Variants in CNTLN observed in about 807,000 individuals in gnomAD.
CNTLN encodes the protein centlein, centrosomal protein.
A neutral mutation model predicts 180.0 loss-of-function variants in CNTLN; 212 were observed. That is an observed-to-expected ratio of 1.18 (90% CI 1.05 to 1.32). The LOEUF is 1.32. Among genes scored for constraint, CNTLN ranks in the 40% most tolerant of loss-of-function variants. CNTLN has a pLI of 0.00. For synonymous variants in CNTLN, 722 were observed against 563.1 expected (o/e 1.28, Z -3.99); for missense variants, 2,095 against 1,610.9 (o/e 1.30, Z -5.14).
At chr9:17,312,494 C>T (rs1171091146) in intron 8 of CNTLN, among the ~76,000 whole-genome samples, 1 of 150,140 alleles carries the variant, frequency 6.7e-6, no homozygotes, top group Non-Finnish European at 1.5e-5. Flanking sequence ...TCACGCCATT[C>T]TCCTGCCTCA....
chr9:17,369,837 A>G, intron 13 of CNTLN, among the ~76,000 whole-genome samples: 1 of 151,884 alleles, frequency 6.6e-6, no homozygotes, highest in Non-Finnish European at 1.5e-5. Flanking sequence ...AAATACAAAC[A>G]TTAGCCAGGC....
At chr9:17,154,295 ATCTT>A (rs1339565161) in intron 2 of CNTLN, among the ~76,000 whole-genome samples, 1 of 152,102 alleles carries the variant, frequency 6.6e-6, no homozygotes, top group African/African-American at 2.4e-5. Context: ...TTGTGGATTT[ATCTT>A]TCTTTGATCT....
Position 17,169,171 on chromosome 9 carries a change from T to A in CNTLN, c.449+25795T>A, listed in dbSNP as rs182354108. Among the ~76,000 whole-genome samples, 249 of 152,188 alleles carry A rather than the reference T, an allele frequency of 1.6e-3. 1 individual carries two copies. Among genetic ancestry groups the A allele is most frequent in the African/African-American group, 5.7e-3 (237 of 41,534 alleles). The stretch of plus-strand genomic sequence containing the variant: ...CACCCAACATGTTTGTCTAATTTTT[T>A]AAAAATTTTGTACACATGGGGTCTT... On this transcript the variant is annotated intron_variant, in intron 2 of 25. Coordinates refer to ENST00000380647, the MANE Select transcript of CNTLN (RefSeq NM_017738.4).
chr9:17,446,992 C>T (rs537512694), intron 18 of CNTLN, among the ~76,000 whole-genome samples: 1 of 152,298 alleles, frequency 6.6e-6, no homozygotes, highest in African/African-American at 2.4e-5. Flanking sequence ...GTTATGGCCT[C>T]TTTTCATGTG....
chr9:17,177,137 C>T (rs774623896), intron 2 of CNTLN, among the ~76,000 whole-genome samples: 4 of 152,044 alleles, frequency 2.6e-5, no homozygotes, highest in Admixed American at 6.6e-5. Flanking sequence ...TGGCTGGGCG[C>T]GGTGGCTCAC....
chr9:17,325,812 A>G (rs1449590138), intron 8 of CNTLN, among the ~76,000 whole-genome samples: 1 of 152,034 alleles, frequency 6.6e-6, no homozygotes, highest in Non-Finnish European at 1.5e-5. Flanking sequence ...AATTATTATC[A>G]TCATTGCAAT....
At chr9:17,348,532 CT>C (rs35021719) in intron 12 of CNTLN, among the ~76,000 whole-genome samples, 6,350 of 140,764 alleles carry the variant, frequency 0.045, 307 homozygotes, top group East Asian at 0.22. Flanking sequence ...TTCTTTCTTT[CT>C]TTTTTTTTTT....
chr9:17,468,866 A>G (rs1469557508), intron 23 of CNTLN, among the ~76,000 whole-genome samples: 3 of 151,766 alleles, frequency 2.0e-5, no homozygotes, highest in Non-Finnish European at 4.4e-5. Flanking sequence ...TTAGTCCTTC[A>G]TATTGTTCAG....
At chr9:17,438,191 T>A (rs1299859361) in intron 18 of CNTLN, among the ~76,000 whole-genome samples, 1 of 152,088 alleles carries the variant, frequency 6.6e-6, no homozygotes, top group Non-Finnish European at 1.5e-5. Flanking sequence ...TTTTTAAAGC[T>A]CTCAGGTGAT....
intron 13 of CNTLN, among the ~76,000 whole-genome samples, chr9:17,374,976 T>G (rs1416011679): frequency 6.6e-6 from 1 of 152,180 alleles, no homozygotes; most frequent in Non-Finnish European, 1.5e-5. Context: ...TTCCCATGTT[T>G]ATTGCAGCAT....
At chr9:17,258,394 T>G (rs894678993) in intron 5 of CNTLN, among the ~76,000 whole-genome samples, 2 of 151,056 alleles carry the variant, frequency 1.3e-5, no homozygotes, top group African/African-American at 4.9e-5. Context: ...TGTAGTATAG[T>G]TTGAAGTCAG....
At chr9:17,253,583 A>G (rs1227360182) in intron 5 of CNTLN, among the ~76,000 whole-genome samples, 2 of 151,356 alleles carry the variant, frequency 1.3e-5, no homozygotes, top group Non-Finnish European at 3.0e-5. Context: ...TTACTAATGT[A>G]TGGAAATGCT....
At chr9:17,244,340 TA>T (rs1336879787) in intron 5 of CNTLN, among the ~76,000 whole-genome samples, 1 of 151,990 alleles carries the variant, frequency 6.6e-6, no homozygotes, top group East Asian at 1.9e-4. Flanking sequence ...GCCTCTTGAG[TA>T]GCTGAGGCTA....
intron 8 of CNTLN, among the ~76,000 whole-genome samples, chr9:17,330,221 T>C (rs1820552003): frequency 6.6e-6 from 1 of 152,062 alleles, no homozygotes; most frequent in Non-Finnish European, 1.5e-5. Context: ...ATGCTGTTGT[T>C]TTCCTTTTCC....
chr9:17,364,679 T>C lies in CNTLN; in HGVS notation c.1887-1938T>C, dbSNP rs1488795016. ...GGCTTTGAACTTATTTATATACTTA[T>C]TGTCTCCATGCTTGACTCGAGAATT... is the stretch of plus-strand genomic sequence containing the variant. On this transcript the variant is annotated intron_variant, in intron 12 of 25. Coordinates refer to ENST00000380647, the MANE Select transcript of CNTLN (RefSeq NM_017738.4). Among the ~76,000 whole-genome samples, 3 of 152,210 alleles carry C rather than the reference T, an allele frequency of 2.0e-5. No individual in the cohort carries two copies. The East Asian group carries it at 5.8e-4, about 29-fold the overall frequency.
chr9:17,415,738 G>C lies in CNTLN; in HGVS notation c.2797-50G>C, dbSNP rs576791298. On this transcript the variant is annotated intron_variant, in intron 16 of 25. Transcript: ENST00000380647. ...AGATGTTATTTATATCAGTTCACTT[G>C]ATGTTGTTATTGAAGAATAATACCA... 28 of 1,086,954 alleles carry C rather than the reference G, an allele frequency of 2.6e-5. No individual in the cohort carries two copies. The South Asian group carries it at 3.5e-4, about 14-fold the overall frequency. 67.3% of individuals were successfully genotyped at this position (1,086,954 alleles called of 1,614,324 possible). A position where few individuals can be genotyped will look rare whatever the true frequency, so the allele number is the denominator to read the frequency against.
At chr9:17,329,081 C>T (rs1016301567) in intron 8 of CNTLN, among the ~76,000 whole-genome samples, 10 of 151,976 alleles carry the variant, frequency 6.6e-5, no homozygotes, top group East Asian at 1.9e-4. Flanking sequence ...CATTTATTGA[C>T]GAACACAAGT....
chr9:17,487,576 A>G (rs1832954858), intron 25 of CNTLN, among the ~76,000 whole-genome samples: 1 of 152,082 alleles, frequency 6.6e-6, no homozygotes, highest in Non-Finnish European at 1.5e-5. Flanking sequence ...TGGGAAGTAA[A>G]TATTGATTTG....
chr9:17,145,259 C>G (rs1248744934), intron 2 of CNTLN, among the ~76,000 whole-genome samples: 1 of 152,134 alleles, frequency 6.6e-6, no homozygotes, highest in African/African-American at 2.4e-5. Flanking sequence ...ATTCTGATGT[C>G]TGTAGATTAC....
Sources: gnomAD v4.1 joint callset for allele counts (sites outside exome capture counted in the v4.1 genomes callset) on GRCh38, gnomAD v4.1.1 for gene constraint, MANE v1.5 for transcripts, NCBI Gene and HGNC (gene_info 2026-07-23, HGNC 2026-07-21) for gene names.